The following LLGL2 variants were observed in gnomAD, a reference collection of about 807,000 sequenced individuals.
LLGL2 encodes the protein LLGL scribble cell polarity complex component 2.
A neutral mutation model predicts 123.2 loss-of-function variants in LLGL2; 81 were observed. That is an observed-to-expected ratio of 0.66 (90% confidence interval 0.55 to 0.79). The LOEUF is 0.79. Ranked by LOEUF, LLGL2 falls within the 30% of genes least tolerant of loss-of-function variation. The probability of loss-of-function intolerance (pLI) is 0.00; values close to 1 mark genes in which losing one functional copy is unlikely to be tolerated. For synonymous variants in LLGL2, 577 were observed against 594.1 expected, an observed-to-expected ratio of 0.97 and a Z score of 0.42; for missense variants, 1,273 against 1,414.6, an observed-to-expected ratio of 0.90 and a Z score of 1.61.
chr17:75,533,399 G>A (rs546129437), intron 1 of LLGL2, among the ~76,000 whole-genome samples: 1 of 140,476 alleles, frequency 7.1e-6, no homozygotes, highest in African/African-American at 2.7e-5. Flanking sequence ...CCGCCTCCCA[G>A]GTTCACACCA....
Position 75,575,007 on chromosome 17 carries a change from A to C in LLGL2, c.*129A>C. 3.0e-6 allele frequency: 4 copies of C among 1,313,488 alleles called. No individual in the cohort carries two copies. The highest frequency in any genetic ancestry group is 4.4e-6 in the Non-Finnish European group (4 of 909,332). 81.4% of individuals were successfully genotyped at this position (1,313,488 alleles called of 1,614,324 possible). A position where few individuals can be genotyped will look rare whatever the true frequency, so the allele number is the denominator to read the frequency against. On this transcript the variant is annotated 3_prime_UTR_variant, in exon 26 of 26. Coordinates refer to ENST00000392550, the MANE Select transcript of LLGL2 (RefSeq NM_001031803.2). ...GGCTGGGGGCATCCCGGCTTCCACAATGCAGCTGCTCTGGGCCTCGGGAGA... is the reference window on the plus strand; with the variant it reads ...GGCTGGGGGCATCCCGGCTTCCACACTGCAGCTGCTCTGGGCCTCGGGAGA...
intron 22 of LLGL2, 51 bp from the exon 23 acceptor site, chr17:75,574,162 A>G: frequency 6.6e-7 from 1 of 1,518,306 alleles, no homozygotes; most frequent in Non-Finnish European, 8.8e-7. Flanking sequence ...AGAGAGAGCC[A>G]GGCCGAGGAG....
rs749734318 is a variant in LLGL2 at position 75,543,463 on chromosome 17, C to T, written c.37C>T (p.Arg13Trp). 17 of 1,611,888 alleles carry T rather than the reference C, an allele frequency of 1.1e-5. No homozygotes were observed. The highest frequency in any genetic ancestry group is 5.3e-5 in the African/African-American group (4 of 74,960). ...CCTGAGGCCAGGGCATGACCCTGTG[C>T]GGGAGAGGCTCAAGCGGGACCTGTT... ...RFLRPGHDPV[R>W]ERLKRDLFQF... The change falls in exon 2 of 26, where the codon CGG becomes TGG. Residue 13 changes from arginine to tryptophan, a missense_variant. By Grantham distance (101) the Arg-to-Trp change is moderately radical. Coordinates refer to ENST00000392550, the MANE Select transcript of LLGL2 (RefSeq NM_001031803.2).
At chr17:75,572,246 G>T (rs1478032285) in intron 19 of LLGL2, among the ~76,000 whole-genome samples, 182 bp downstream of exon 19, 3 of 152,154 alleles carry the variant, frequency 2.0e-5, no homozygotes, top group Admixed American at 6.5e-5. Flanking sequence ...CAGGACAGGG[G>T]GCCAGGCGCG....
rs1004491456 is a variant in LLGL2, at chr17:75,570,002, G to A, written c.1621G>A (p.Ala541Thr). ...ACTGAATGACGAGGCAGCGGAGCAG[G>A]CTGTGGAGCAGGTGGAGGCCGACCT... Reference protein sequence around the residue: ...LELNDEAAEQAVEQVEADLLQ... With the variant: ...LELNDEAAEQTVEQVEADLLQ... The change falls in exon 15 of 26, where the codon GCT (alanine) becomes ACT (threonine). Residue 541 changes from alanine (A) to threonine (T), a missense_variant. Ala to Thr is a moderately conservative substitution (Grantham distance 58). Coordinates refer to ENST00000392550, the MANE Select transcript of LLGL2 (RefSeq NM_001031803.2). 5.0e-6 allele frequency: 8 copies of A among 1,609,892 alleles called. No homozygotes were observed. Among genetic ancestry groups the A allele is most frequent in the East Asian group, 2.2e-5 (1 of 44,808 alleles).
Position 75,543,403 on chromosome 17 carries a change from A to T in LLGL2, c.-24A>T, listed in dbSNP as rs2054292666. ...GCTCCTTCTGTTTCTCCAGGTCTCC[A>T]GTGGGGGCTGCAGACTAAGCAAAAT... On this transcript the variant is annotated 5_prime_UTR_variant, in exon 2 of 26. Coordinates refer to ENST00000392550, the MANE Select transcript of LLGL2 (RefSeq NM_001031803.2). 6.3e-7 allele frequency: 1 copy of T among 1,595,598 alleles called. No individual in the cohort carries two copies. Among genetic ancestry groups the T allele is most frequent in the Non-Finnish European group, 8.6e-7 (1 of 1,169,508 alleles).
rs1488030534 is a variant in LLGL2, at chr17:75,544,241, C to T, written c.75+740C>T. Among the ~76,000 whole-genome samples the T allele has an allele frequency of 2.0e-5, 3 of 152,220 alleles. No homozygotes were observed. The East Asian group carries it at 5.8e-4, about 29-fold the overall frequency. On this transcript the variant is annotated intron_variant, in intron 2 of 25. Transcript: ENST00000392550. The surrounding 1 kb of genome is among the most constrained non-coding windows in gnomAD (Gnocchi z 4.2). ...TGAGGTAATGATCTTCTCACCTCTG[C>T]TTTGCGCCTCTGCTGGGAAGGTGGG...
At chr17:75,535,360 G>A (rs967301732) in intron 1 of LLGL2, among the ~76,000 whole-genome samples, 2 of 152,250 alleles carry the variant, frequency 1.3e-5, no homozygotes, top group Non-Finnish European at 1.5e-5. Flanking sequence ...CAGGTGGCAC[G>A]CCCTGAGAGC....
At chr17:75,532,077 C>CACACACACACACACACACACA (rs58220046) in intron 1 of LLGL2, among the ~76,000 whole-genome samples, 7 of 83,998 alleles carry the variant, frequency 8.3e-5, no homozygotes, top group African/African-American at 2.3e-4. Context: ...CACACACACA[C>CACACACACACACACACACACA]TTTTTTTTTT....
chr17:75,557,163 G>A (rs1286533804), intron 3 of LLGL2, among the ~76,000 whole-genome samples: 1 of 150,810 alleles, frequency 6.6e-6, no homozygotes, highest in Non-Finnish European at 1.5e-5. Context: ...ACAGGCATGA[G>A]TCACTGCACT....
At chr17:75,565,829 G>T (rs1050548713) in intron 10 of LLGL2, among the ~76,000 whole-genome samples, 7 of 152,172 alleles carry the variant, frequency 4.6e-5, no homozygotes, top group African/African-American at 1.7e-4. Context: ...TGCTGTGCCG[G>T]GTTGTGACCC....
chr17:75,537,283 C>T (rs1277878894), intron 1 of LLGL2, among the ~76,000 whole-genome samples: 6 of 152,190 alleles, frequency 3.9e-5, no homozygotes, highest in Non-Finnish European at 7.3e-5. Flanking sequence ...GAGGCTGTCC[C>T]TGTCCACCAT....
chr17:75,570,828 G>A (rs988963472), intron 16 of LLGL2, 122 bp from the exon 17 acceptor site: 3 of 1,308,958 alleles, frequency 2.3e-6, no homozygotes, highest in Middle Eastern at 2.8e-4. Flanking sequence ...CTAGACGCAG[G>A]CCTGGCAGGT....
intron 2 of LLGL2, among the ~76,000 whole-genome samples, chr17:75,552,215 T>C (rs1208734821): frequency 6.6e-5 from 10 of 152,086 alleles, no homozygotes; most frequent in Admixed American, 2.6e-4. Flanking sequence ...TCAAGGTGGC[T>C]CATACCTGTA....
At chr17:75,550,726 A>C (rs937803711) in intron 2 of LLGL2, among the ~76,000 whole-genome samples, 2 of 144,362 alleles carry the variant, frequency 1.4e-5, no homozygotes, top group African/African-American at 5.2e-5. Flanking sequence ...GGTTACAGTG[A>C]GCTGAGATCG....
At chr17:75,569,375 TG>T in intron 14 of LLGL2, 50 bp downstream of exon 14, 1 of 1,470,378 alleles carries the variant, frequency 6.8e-7, no homozygotes, top group Non-Finnish European at 9.5e-7. Context: ...GGTCGATGAC[TG>T]GGGACAGCAG....
At chr17:75,570,887 C>T (rs768112797) in intron 16 of LLGL2, 63 bp from the exon 17 acceptor site, 170 of 1,530,572 alleles carry the variant, frequency 1.1e-4, no homozygotes, top group Non-Finnish European at 1.4e-4. Flanking sequence ...CAGCACTGAG[C>T]GAAGCACTGT....
chr17:75,559,329 G>A lies in LLGL2; in HGVS notation c.449G>A (p.Ser150Asn). Residue 150 changes from serine to asparagine, a missense_variant, in exon 6 of 26, where the codon AGT becomes AAT. By Grantham distance (46) the Ser-to-Asn change is conservative. Coordinates refer to ENST00000392550, the MANE Select transcript of LLGL2 (RefSeq NM_001031803.2). This position sits in a 1 kb window ranked among gnomAD's most constrained non-coding sequence, Gnocchi z 4.6. Reference sequence around the variant, plus strand: ...GAGCTGCTCTACCTGGGCACCGAGAGTGGCAACGTGTTTGTGGTGCAGCTG... The same window carrying A: ...GAGCTGCTCTACCTGGGCACCGAGAATGGCAACGTGTTTGTGGTGCAGCTG... ...SCELLYLGTE[S>N]GNVFVVQLPA... 2.5e-6 allele frequency: 4 copies of A among 1,613,652 alleles called. No individual in the cohort carries two copies. Among genetic ancestry groups the A allele is most frequent in the Non-Finnish European group, 2.5e-6 (3 of 1,179,988 alleles).
chr17:75,551,135 C>G (rs753929368), intron 2 of LLGL2, among the ~76,000 whole-genome samples: 1 of 152,178 alleles, frequency 6.6e-6, no homozygotes, highest in Middle Eastern at 3.2e-3. Flanking sequence ...CAGGTAGAGT[C>G]GCTGTGAAGG....
Sources: allele counts gnomAD v4.1 joint callset (sites outside exome capture counted in the v4.1 genomes callset), GRCh38; gene constraint gnomAD v4.1.1; non-coding constraint Gnocchi (gnomAD v3.1); transcripts MANE v1.5; gene names NCBI Gene and HGNC (gene_info 2026-07-23, HGNC 2026-07-21).